Variants in NDFIP1 observed in about 807,000 individuals in gnomAD.
NDFIP1 encodes Nedd4 family interacting protein 1, also known as NEDD4 family-interacting protein 1.
Under a neutral mutation model 28.8 loss-of-function variants are expected in NDFIP1, and 7 were observed. That is an observed-to-expected ratio of 0.24 (90% CI 0.14 to 0.46). The LOEUF is 0.46. NDFIP1 is among the 20% of genes least tolerant of loss of function. The pLI, the probability that NDFIP1 is intolerant of heterozygous loss-of-function variation, is 0.99. For missense variants in NDFIP1, 194 were observed against 269.1 expected, an observed-to-expected ratio of 0.72 and a Z score of 1.95; for synonymous variants, 92 against 101.0, an observed-to-expected ratio of 0.91 and a Z score of 0.53.
chr5:142,132,059 G>C, intron 2 of NDFIP1, 153 bp from the exon 3 acceptor site: 1 of 1,048,914 alleles, frequency 9.5e-7, no homozygotes, highest in South Asian at 1.8e-5. Flanking sequence ...ATCACCCCCA[G>C]TCTCTTACAT....
At position 142,144,560 on chromosome 5, in the gene NDFIP1, T is replaced by C. The variant is rs1292974075; in HGVS notation, c.563-11T>C. ...TATAAATTCATTCATGACTTTTCTT[T>C]TTTAAATTAGGCTTTCTCCTGTTTC... On this transcript the variant is annotated splice_polypyrimidine_tract_variant and intron_variant, in intron 6 of 7. Transcript: ENST00000253814. 1 of 1,586,860 alleles carries C rather than the reference T, an allele frequency of 6.3e-7. No homozygotes were observed. Among genetic ancestry groups the C allele is most frequent in the African/African-American group, 1.4e-5 (1 of 73,452 alleles).
At chr5:142,144,380 A>T in intron 6 of NDFIP1, 191 bp from the exon 7 acceptor site, 1 of 539,802 alleles carries the variant, frequency 1.9e-6, no homozygotes, top group East Asian at 3.2e-5. Flanking sequence ...TGACTCTTAC[A>T]TTATACCTTC....
chr5:142,127,356 A>G (rs1336500654), intron 1 of NDFIP1, among the ~76,000 whole-genome samples: 1 of 152,106 alleles, frequency 6.6e-6, no homozygotes, highest in East Asian at 1.9e-4. Flanking sequence ...CTTAAAATTG[A>G]AGGTCATCAA....
chr5:142,115,957 T>A (rs954621156), intron 1 of NDFIP1, among the ~76,000 whole-genome samples: 1 of 152,212 alleles, frequency 6.6e-6, no homozygotes, highest in Non-Finnish European at 1.5e-5. Flanking sequence ...TTAAGTGTTA[T>A]AAGTAAAGAT....
chr5:142,109,814 C>T (rs1435465443), intron 1 of NDFIP1, among the ~76,000 whole-genome samples: 2 of 152,176 alleles, frequency 1.3e-5, no homozygotes, highest in Admixed American at 6.5e-5. Context: ...TTGTTTCACT[C>T]CGCGTCTGTA....
intron 7 of NDFIP1, among the ~76,000 whole-genome samples, chr5:142,148,701 A>G (rs891144164): frequency 6.8e-6 from 1 of 147,784 alleles, no homozygotes; most frequent in African/African-American, 2.5e-5. Context: ...CAGTGAGCCA[A>G]GATCACACCA....
chr5:142,136,755 CA>C (rs33932095), intron 4 of NDFIP1, among the ~76,000 whole-genome samples: 1,034 of 76,386 alleles, frequency 0.014, 3 homozygotes, highest in Non-Finnish European at 0.018. Context: ...GACTTCGTCT[CA>C]AAAAAAAAAA....
chr5:142,140,788 C>T (rs981520449), intron 6 of NDFIP1, among the ~76,000 whole-genome samples, 159 bp downstream of exon 6: 3 of 152,138 alleles, frequency 2.0e-5, no homozygotes, highest in East Asian at 1.9e-4. Flanking sequence ...AATAGTCTTT[C>T]GTTACCATCA....
chr5:142,110,135 C>T (rs1756998241), intron 1 of NDFIP1, among the ~76,000 whole-genome samples: 1 of 152,132 alleles, frequency 6.6e-6, no homozygotes, highest in Non-Finnish European at 1.5e-5. Context: ...GTTTTGCTAT[C>T]ATCAGCCATG....
At chr5:142,150,053 C>T (rs536341150) in intron 7 of NDFIP1, among the ~76,000 whole-genome samples, 111 of 151,876 alleles carry the variant, frequency 7.3e-4, no homozygotes, top group African/African-American at 2.5e-3. Flanking sequence ...TGGTGGCGGG[C>T]GCCTGTAGTC....
chr5:142,144,737 G>T lies in NDFIP1; in HGVS notation c.*2+61G>T, dbSNP rs1296229827. ...ACCATGTGCTACATTGTAGATTTCT[G>T]TTCAGTTTTAGAGTAAGTATCTGTG... On this transcript the variant is annotated intron_variant, in intron 7 of 7. Coordinates refer to ENST00000253814, the MANE Select transcript of NDFIP1 (RefSeq NM_030571.4). 3.5e-6 allele frequency: 4 copies of T among 1,134,554 alleles called. No homozygotes were observed. The African/African-American group carries it at 6.3e-5, about 18-fold the overall frequency. 70.3% of individuals were successfully genotyped at this position (1,134,554 alleles called of 1,614,324 possible).
Position 142,140,588 on chromosome 5 carries a change from T to G in NDFIP1, c.521T>G (p.Phe174Cys). The G allele has an allele frequency of 6.2e-7, 1 of 1,613,166 alleles. No individual in the cohort carries two copies. The highest frequency in any genetic ancestry group is 8.5e-7 in the Non-Finnish European group (1 of 1,179,702). Residue 174 changes from phenylalanine to cysteine, a missense_variant, in exon 6 of 8, where the codon TTT becomes TGT. Phe to Cys is a radical substitution (Grantham distance 205, BLOSUM62 -2). Coordinates refer to ENST00000253814, the MANE Select transcript of NDFIP1 (RefSeq NM_030571.4). Reference sequence around the variant, plus strand: ...TTTTCCACCTATTTCCCTGGATATTTTGATGGTCAGTACTGGCTCTGGTGG... The same window carrying G: ...TTTTCCACCTATTTCCCTGGATATTGTGATGGTCAGTACTGGCTCTGGTGG... ...VRFSTYFPGY[F>C]DGQYWLWWVF...
chr5:142,125,934 GC>G (rs1308261812), intron 1 of NDFIP1, among the ~76,000 whole-genome samples: 4 of 152,096 alleles, frequency 2.6e-5, no homozygotes, highest in Non-Finnish European at 4.4e-5. Context: ...CAAATCATTT[GC>G]CCATTTTATA....
At position 142,150,602 on chromosome 5, in the gene NDFIP1, G is replaced by A. The variant is rs754987146; in HGVS notation, c.*3-1129G>A. ...ACACCGGGCATAGTGGTGCACGCCT[G>A]TTAGTGCCAGTCACTTGCGGGGCTG... On this transcript the variant is annotated intron_variant, in intron 7 of 7. Transcript: ENST00000253814. Among the ~76,000 whole-genome samples, 3 of 151,806 alleles carry A rather than the reference G, an allele frequency of 2.0e-5. No homozygotes were observed. The East Asian group carries it at 5.8e-4, about 29-fold the overall frequency.
chr5:142,122,645 T>C (rs749069031), intron 1 of NDFIP1, among the ~76,000 whole-genome samples: 7 of 152,228 alleles, frequency 4.6e-5, no homozygotes, highest in Non-Finnish European at 1.0e-4. Context: ...TTATATATTC[T>C]CAACAACATT....
chr5:142,130,831 C>CTAGG (rs1478594007), intron 1 of NDFIP1, among the ~76,000 whole-genome samples: 1 of 152,176 alleles, frequency 6.6e-6, no homozygotes, highest in African/African-American at 2.4e-5. Flanking sequence ...ATGTCTCATT[C>CTAGG]TAGGCCTCCT....
chr5:142,110,159 C>A (rs753949420), intron 1 of NDFIP1, among the ~76,000 whole-genome samples: 2 of 152,144 alleles, frequency 1.3e-5, no homozygotes, highest in African/African-American at 2.4e-5. Context: ...TGCAATCCGT[C>A]CCCACTCAGG....
At chr5:142,144,519 GA>G in intron 6 of NDFIP1, 51 bp from the exon 7 acceptor site, 2 of 1,314,256 alleles carry the variant, frequency 1.5e-6, no homozygotes, top group Non-Finnish European at 2.2e-6. Flanking sequence ...CTGGGGAGGG[GA>G]CTTAACATGG....
At chr5:142,148,980 A>G (rs1329756222) in intron 7 of NDFIP1, among the ~76,000 whole-genome samples, 1 of 152,124 alleles carries the variant, frequency 6.6e-6, no homozygotes, top group Non-Finnish European at 1.5e-5. Flanking sequence ...TTGATTGGTT[A>G]TATCTAACAC....
Sources: gnomAD v4.1 joint callset for allele counts (sites outside exome capture counted in the v4.1 genomes callset) on GRCh38, gnomAD v4.1.1 for gene constraint, MANE v1.5 for transcripts, NCBI Gene and HGNC (gene_info 2026-07-23, HGNC 2026-07-21) for gene names.